Variants in SCART1 observed in about 807,000 individuals in gnomAD.
The protein encoded by SCART1 is scavenger receptor family member expressed on T cells 1, also known as scavenger receptor cysteine-rich domain-containing protein SCART1.
A neutral mutation model predicts 36.2 loss-of-function variants in SCART1; 62 were observed. That is an observed-to-expected ratio of 1.71 (90% CI 1.40 to 2.12). SCART1 has a LOEUF of 2.12. Among genes scored for constraint, SCART1 ranks in the 30% most tolerant of loss-of-function variants. SCART1 has a pLI of 0.00. For synonymous variants in SCART1, 487 were observed against 238.7 expected (o/e 2.04, Z -9.59); for missense variants, 1,041 against 540.5 (o/e 1.93, Z -9.18).
rs756885384 is a variant in SCART1 at position 133,460,086 on chromosome 10, G to C, written c.1885G>C (p.Glu629Gln). 9.7e-6 allele frequency: 5 copies of C among 515,704 alleles called. No individual in the cohort carries two copies. The East Asian group carries it at 1.7e-4, about 18-fold the overall frequency. 31.9% of individuals were successfully genotyped at this position (515,704 alleles called of 1,614,324 possible). ...GGACGAGCTGGGCTGCCAGGGCCAC[G>C]AGTCTGCGCTGTGGCAGTGCCCGTC... The change falls in exon 6 of 12, where the codon GAG (glutamate) becomes CAG (glutamine). Residue 629 changes from glutamate to glutamine, a missense_variant. Physicochemically the swap from Glu to Gln is conservative, Grantham distance 29. Coordinates refer to ENST00000640237, the Ensembl canonical transcript of SCART1.
exon 1 of SCART1, chr10:133,453,995 A>G: frequency 1.4e-6 from 1 of 702,962 alleles, no homozygotes. Flanking sequence ...GGGCTGTGGG[A>G]CCATGAGGGC....
At chr10:133,467,083 G>T in intron 10 of SCART1, 115 bp from the exon 11 acceptor site, 1 of 573,834 alleles carries the variant, frequency 1.7e-6, no homozygotes, top group Non-Finnish European at 3.1e-6. Context: ...CCAGCCCACA[G>T]CATCCTGCCT....
intron 6 of SCART1, among the ~76,000 whole-genome samples, chr10:133,460,950 G>A (rs567790255): frequency 1.9e-4 from 29 of 151,770 alleles, no homozygotes; most frequent in African/African-American, 6.3e-4. Flanking sequence ...TGCCCAGGCC[G>A]GTCTCAAACT....
At chr10:133,463,808 T>G (rs998086848) in intron 6 of SCART1, among the ~76,000 whole-genome samples, 2 of 152,182 alleles carry the variant, frequency 1.3e-5, no homozygotes, top group African/African-American at 4.8e-5. Context: ...CAGACATGTA[T>G]CATTTCTTCG....
exon 3 of SCART1, chr10:133,457,357 G>A (rs1850631301): frequency 1.4e-6 from 1 of 701,548 alleles, no homozygotes; most frequent in Non-Finnish European, 2.6e-6. Flanking sequence ...AACGTGAATG[G>A]GGTGGACCGC....
chr10:133,456,376 G>T lies in SCART1; in HGVS notation c.207G>T (p.Leu69=), dbSNP rs920598230. Residue 69 remains leucine (L), a synonymous_variant, in exon 2 of 12, where the codon CTG becomes CTT. Coordinates refer to ENST00000640237, the Ensembl canonical transcript of SCART1. Reference sequence around the variant, plus strand: ...AGGCCTCTGTCGTGTGCAGGCAGCTGGGCTGCGGCCCTGCCGTGGGCGCCC... The same window carrying T: ...AGGCCTCTGTCGTGTGCAGGCAGCTTGGCTGCGGCCCTGCCGTGGGCGCCC... The T allele has an allele frequency of 4.3e-6, 3 of 702,824 alleles. No individual in the cohort carries two copies. In the African/African-American group the frequency reaches 5.2e-5, roughly 12 times the overall value. The allele number at this position is 702,824 out of a possible 1,614,324, so 43.5% of individuals were successfully genotyped here.
chr10:133,460,496 A>ATATATATATATATTTTTTTTTTT, intron 6 of SCART1, among the ~76,000 whole-genome samples: 1 of 136,014 alleles, frequency 7.4e-6, no homozygotes, highest in Non-Finnish European at 1.6e-5. Context: ...ATATTTATAT[A>ATATATATATATATTTTTTTTTTT]TTTTAAAAAA....
At chr10:133,454,212 G>A (rs901425006) in intron 1 of SCART1, 148 bp downstream of exon 1, 3 of 646,440 alleles carry the variant, frequency 4.6e-6, no homozygotes, top group South Asian at 1.7e-5. Flanking sequence ...GCTGGGGCAG[G>A]AGGGAGGTGA....
exon 2 of SCART1, chr10:133,456,366 G>A (rs1335729255): frequency 1.4e-6 from 1 of 702,824 alleles, no homozygotes; most frequent in Non-Finnish European, 2.6e-6. Context: ...TCTGTCGTGT[G>A]CAGGCAGCTG....
chr10:133,460,494 A>ATTTTTTT, intron 6 of SCART1, among the ~76,000 whole-genome samples: 1 of 135,936 alleles, frequency 7.4e-6, no homozygotes, highest in Non-Finnish European at 1.6e-5. Context: ...ATATATTTAT[A>ATTTTTTT]TATTTTAAAA....
exon 4 of SCART1, chr10:133,458,640 G>T (rs1005651647): frequency 1.4e-6 from 1 of 700,164 alleles, no homozygotes; most frequent in Non-Finnish European, 2.6e-6. Context: ...GTCACGACGC[G>T]GGGCTCAGGT....
exon 3 of SCART1, chr10:133,457,397 G>A (rs1236360140): frequency 1.1e-5 from 8 of 702,026 alleles, no homozygotes; most frequent in African/African-American, 3.5e-5. Flanking sequence ...AGGAGGCCAT[G>A]GTGTTCTGCC....
chr10:133,459,601 G>T, exon 6 of SCART1: 1 of 671,930 alleles, frequency 1.5e-6, no homozygotes. Context: ...GACCTGCGCG[G>T]CGCGGGCGTG....
At chr10:133,463,354 A>C (rs538426125) in intron 6 of SCART1, among the ~76,000 whole-genome samples, 3 of 152,300 alleles carry the variant, frequency 2.0e-5, no homozygotes, top group Admixed American at 6.5e-5. Flanking sequence ...TCCAGTGTAC[A>C]ATGCAATATT....
intron 1 of SCART1, among the ~76,000 whole-genome samples, chr10:133,454,935 C>G (rs7899952): frequency 0.2 from 31,026 of 151,976 alleles, 3,133 homozygotes; most frequent in African/African-American, 0.26. Flanking sequence ...CCGGAATTCT[C>G]TATTACAACA....
intron 1 of SCART1, among the ~76,000 whole-genome samples, chr10:133,455,065 G>A (rs951420984): frequency 2.0e-5 from 3 of 152,100 alleles, no homozygotes; most frequent in African/African-American, 2.4e-5. Flanking sequence ...TCATGAGTTC[G>A]AGATCAGCCT....
chr10:133,461,650 C>T (rs1172040750), intron 6 of SCART1, among the ~76,000 whole-genome samples: 2 of 152,112 alleles, frequency 1.3e-5, no homozygotes, highest in South Asian at 2.1e-4. Flanking sequence ...TGTATTATTT[C>T]GCCCTCCTCA....
rs9418973 is a variant in SCART1 at position 133,457,154 on chromosome 10, G to A, written c.386-125G>A. On this transcript the variant is annotated intron_variant, in intron 2 of 11. Transcript: ENST00000640237. ...AGCCCAGGGCCCTGTGTGACTGCCC[G>A]GTCACCTGCCCCTGAAGCTGGCCCT... 1,243 of 640,254 alleles carry A rather than the reference G, an allele frequency of 1.9e-3. 3 individuals carry two copies. The highest frequency in any genetic ancestry group is 2.7e-3 in the Non-Finnish European group (969 of 360,070). The allele number at this position is 640,254 out of a possible 1,614,324, so 39.7% of individuals were successfully genotyped here. A position where few individuals can be genotyped will look rare whatever the true frequency, so the allele number is the denominator to read the frequency against.
Position 133,458,082 on chromosome 10 carries a change from G to C in SCART1, c.683-278G>C. The C allele has an allele frequency of 3.1e-6, 2 of 653,130 alleles. 1 individual carries two copies. The highest frequency in any genetic ancestry group is 5.5e-6 in the Non-Finnish European group (2 of 361,854). The allele number at this position is 653,130 out of a possible 1,614,324, so 40.5% of individuals were successfully genotyped here. ...CGCCTCTGGGATTGCAGAGGGTGTT[G>C]CTGTCATGGCCTCGGACAGGCAGAG... On this transcript the variant is annotated intron_variant, in intron 3 of 11. Coordinates refer to ENST00000640237, the Ensembl canonical transcript of SCART1.
Sources: gnomAD v4.1 joint callset for allele counts (sites outside exome capture counted in the v4.1 genomes callset) on GRCh38, gnomAD v4.1.1 for gene constraint, MANE v1.5 for transcripts, NCBI Gene and HGNC (gene_info 2026-07-23, HGNC 2026-07-21) for gene names.